The following MAF variants were observed in gnomAD, a reference collection of about 807,000 sequenced individuals.
MAF encodes MAF bZIP transcription factor.
A neutral mutation model predicts 22.0 loss-of-function variants in MAF; 10 were observed. The ratio of observed to expected loss-of-function variants is 0.45; its 90% CI spans 0.28 to 0.77. The LOEUF (loss-of-function observed/expected upper bound fraction) is 0.77, where lower values mean the gene tolerates loss of function less well. Ranked by LOEUF, MAF falls within the 30% of genes least tolerant of loss-of-function variation. MAF has a pLI of 0.12. For synonymous variants in MAF, 337 were observed against 255.8 expected, an observed-to-expected ratio of 1.32 and a Z score of -3.03; for missense variants, 544 against 548.4, an observed-to-expected ratio of 0.99 and a Z score of 0.08.
At chr16:79,295,537 G>A in the MAF span, among the ~76,000 whole-genome samples, 1 of 152,230 alleles carries the variant, frequency 6.6e-6, no homozygotes, top group African/African-American at 2.4e-5. Context: ...GCTACTGTCT[G>A]TTTACACCTC....
At chr16:79,353,867 A>G in the MAF span, among the ~76,000 whole-genome samples, 4 of 152,304 alleles carry the variant, frequency 2.6e-5, no homozygotes, top group African/African-American at 9.6e-5. Flanking sequence ...GTTAACACCT[A>G]AAGCCCTCCT....
At chr16:79,211,731 G>A in the MAF span, 20 of 1,614,088 alleles carry the variant, frequency 1.2e-5, no homozygotes, top group Admixed American at 2.2e-4. Flanking sequence ...CGAAGAGACG[G>A]CCCGGACCCT....
the MAF span, among the ~76,000 whole-genome samples, chr16:79,301,624 A>G: frequency 5.0e-4 from 11 of 22,066 alleles, no homozygotes; most frequent in South Asian, 2.9e-3. Flanking sequence ...TATGCATTTT[A>G]TTATATCTAT....
chr16:79,315,256 A>T, the MAF span, among the ~76,000 whole-genome samples: 1 of 152,174 alleles, frequency 6.6e-6, no homozygotes, highest in African/African-American at 2.4e-5. Context: ...ACCATAGAAC[A>T]TATCAGGGTG....
the MAF span, among the ~76,000 whole-genome samples, chr16:79,229,661 C>G: frequency 6.6e-6 from 1 of 151,692 alleles, no homozygotes; most frequent in Non-Finnish European, 1.5e-5. Flanking sequence ...AGCACCTGGG[C>G]AAGCCAGCAG....
the MAF span, among the ~76,000 whole-genome samples, chr16:79,561,299 G>C: frequency 2.0e-5 from 3 of 149,366 alleles, no homozygotes; most frequent in Non-Finnish European, 3.0e-5. Context: ...TCTCTTCCTA[G>C]TTTGAAGTTT....
chr16:79,350,852 G>C, the MAF span, among the ~76,000 whole-genome samples: 1 of 147,264 alleles, frequency 6.8e-6, no homozygotes, highest in African/African-American at 2.5e-5. Context: ...CAGGTGGCCT[G>C]CCTAACAGTG....
chr16:79,360,230 G>C, the MAF span, among the ~76,000 whole-genome samples: 1 of 152,082 alleles, frequency 6.6e-6, no homozygotes, highest in East Asian at 1.9e-4. Context: ...CCATCTTTTT[G>C]AACCCCTTCC....
chr16:79,442,677 A>T, the MAF span, among the ~76,000 whole-genome samples: 5 of 152,106 alleles, frequency 3.3e-5, no homozygotes, highest in Non-Finnish European at 2.9e-5. Flanking sequence ...CTCCCAAAAG[A>T]TTGGGATTAC....
chr16:79,473,188 A>T, the MAF span, among the ~76,000 whole-genome samples: 4 of 152,142 alleles, frequency 2.6e-5, no homozygotes, highest in African/African-American at 9.7e-5. Context: ...AGGAACAGCC[A>T]CAGGCAGTCA....
At chr16:79,238,754 C>G in the MAF span, among the ~76,000 whole-genome samples, 1 of 151,966 alleles carries the variant, frequency 6.6e-6, no homozygotes, top group Non-Finnish European at 1.5e-5. Context: ...TTATTTGAAA[C>G]TTAAATTTAA....
chr16:79,548,199 T>C, the MAF span, among the ~76,000 whole-genome samples: 2 of 152,216 alleles, frequency 1.3e-5, no homozygotes, highest in African/African-American at 4.8e-5. Flanking sequence ...TTAAAACACA[T>C]TACATAAGTC....
chr16:79,504,289 G>A, the MAF span, among the ~76,000 whole-genome samples: 18 of 152,146 alleles, frequency 1.2e-4, no homozygotes, highest in Non-Finnish European at 2.4e-4. Flanking sequence ...CCTTATAGCT[G>A]ATAGCCTCCA....
chr16:79,218,845 C>T, the MAF span, among the ~76,000 whole-genome samples: 1 of 146,106 alleles, frequency 6.8e-6, no homozygotes, highest in African/African-American at 2.5e-5. Context: ...AAGAGCCTAC[C>T]TTTTTTCCTT....
chr16:79,530,264 C>G, the MAF span, among the ~76,000 whole-genome samples: 815 of 152,270 alleles, frequency 5.4e-3, 7 homozygotes, highest in African/African-American at 0.019. Context: ...CAACAGACTA[C>G]TGGGTTTTCC....
chr16:79,591,543 C>T (rs897957595), downstream of MAF, among the ~76,000 whole-genome samples: 1 of 152,156 alleles, frequency 6.6e-6, no homozygotes, highest in Non-Finnish European at 1.5e-5. Context: ...AGAAGAGGTG[C>T]TCAATAGAGG....
At chr16:79,370,177 G>C in the MAF span, among the ~76,000 whole-genome samples, 1 of 152,186 alleles carries the variant, frequency 6.6e-6, no homozygotes, top group African/African-American at 2.4e-5. Flanking sequence ...GGTGGTAAAA[G>C]GAGTAGTCTT....
the MAF span, among the ~76,000 whole-genome samples, chr16:79,542,370 C>T: frequency 6.6e-6 from 1 of 152,116 alleles, no homozygotes; most frequent in African/African-American, 2.4e-5. Flanking sequence ...GACCATGCCA[C>T]GTGGTGAGTA....
the MAF span, among the ~76,000 whole-genome samples, chr16:79,462,672 C>A: frequency 6.6e-6 from 1 of 152,316 alleles, no homozygotes; most frequent in South Asian, 2.1e-4. Context: ...CACCTACACA[C>A]AAAGGGAATT....
Sources: gnomAD v4.1 joint callset for allele counts (sites outside exome capture counted in the v4.1 genomes callset) on GRCh38, gnomAD v4.1.1 for gene constraint, MANE v1.5 for transcripts, NCBI Gene and HGNC (gene_info 2026-07-23, HGNC 2026-07-21) for gene names.